The following LIMK2 variants were observed in gnomAD, a reference collection of about 807,000 sequenced individuals.
The protein encoded by LIMK2 is LIM domain kinase 2.
Under a neutral mutation model 75.7 loss-of-function variants are expected in LIMK2, and 35 were observed. That is an observed-to-expected ratio of 0.46 (90% CI 0.35 to 0.61). The LOEUF (loss-of-function observed/expected upper bound fraction) is 0.61. Among genes scored for constraint, LIMK2 ranks in the 20% least tolerant of loss-of-function variants. The pLI, the probability that LIMK2 is intolerant of heterozygous loss-of-function variation, is 0.00. For missense variants in LIMK2, 623 were observed against 831.0 expected (o/e 0.75, Z 3.08); for synonymous variants, 301 against 319.2 (o/e 0.94, Z 0.61).
At chr22:31,221,973 A>C (rs1169470428) in intron 1 of LIMK2, among the ~76,000 whole-genome samples, 1 of 152,186 alleles carries the variant, frequency 6.6e-6, no homozygotes, top group Non-Finnish European at 1.5e-5. Flanking sequence ...TTGGTGAGAC[A>C]GTTTCAGAGA....
In LIMK2 at chr22:31,259,890, G is replaced by T; in HGVS notation, c.364G>T (p.Gly122Trp). 6.2e-7 allele frequency: 1 copy of T among 1,604,704 alleles called. No individual in the cohort carries two copies. Residue 122 changes from glycine to tryptophan, a missense_variant and splice_region_variant, in exon 5 of 16, where the codon GGG (glycine) becomes TGG (tryptophan). Coordinates refer to ENST00000331728, the MANE Select transcript of LIMK2 (RefSeq NM_005569.4). ...ALVQHATLYCGKCHNEVVLAP... is the reference protein window; with the variant it reads ...ALVQHATLYCWKCHNEVVLAP... ...TTCCCCCCTGTGCCCTCTCCCCAGT[G>T]GGAAGTGCCACAATGAGGTGGTGCT...
At chr22:31,264,262 G>A (rs1220260437) in intron 7 of LIMK2, among the ~76,000 whole-genome samples, 4 of 152,190 alleles carry the variant, frequency 2.6e-5, no homozygotes, top group Non-Finnish European at 5.9e-5. Context: ...GAGGGGGGCA[G>A]CTAGCCTTGT....
intron 2 of LIMK2, among the ~76,000 whole-genome samples, chr22:31,247,441 G>A (rs2048681181): frequency 6.6e-6 from 1 of 152,102 alleles, no homozygotes; most frequent in Non-Finnish European, 1.5e-5. Flanking sequence ...GTTATCACAG[G>A]ACAAGTAGAA....
chr22:31,251,849 T>C (rs908782357), intron 2 of LIMK2, among the ~76,000 whole-genome samples: 1 of 152,132 alleles, frequency 6.6e-6, no homozygotes, highest in Non-Finnish European at 1.5e-5. Flanking sequence ...GCATCCCCAG[T>C]TGTGGTGCTC....
Position 31,267,914 on chromosome 22 carries a change from A to C in LIMK2, c.1260+7A>C, listed in dbSNP as rs2048912905. ...GGACTTTCTGCGCAGTATGGTGAGC[A>C]CACCACCCCATAGTCTCCAGGAGCC... On this transcript the variant is annotated splice_region_variant and intron_variant, in intron 10 of 15. Transcript: ENST00000331728. 1 of 1,590,134 alleles carries C rather than the reference A, an allele frequency of 6.3e-7. No homozygotes were observed. Among genetic ancestry groups the C allele is most frequent in the Non-Finnish European group, 8.5e-7 (1 of 1,169,960 alleles).
At chr22:31,248,739 C>A in intron 2 of LIMK2, 1 of 1,614,148 alleles carries the variant, frequency 6.2e-7, no homozygotes, top group Non-Finnish European at 8.5e-7. Context: ...TTGTCAGTCC[C>A]GGCTTACTTC....
At chr22:31,221,982 GA>G (rs2048438137) in intron 1 of LIMK2, among the ~76,000 whole-genome samples, 1 of 152,180 alleles carries the variant, frequency 6.6e-6, no homozygotes, top group African/African-American at 2.4e-5. Context: ...CAGTTTCAGA[GA>G]AATGGTGGGG....
chr22:31,266,246 C>T (rs1256506490), intron 8 of LIMK2, 114 bp downstream of exon 8: 1 of 1,060,506 alleles, frequency 9.4e-7, no homozygotes, highest in Non-Finnish European at 1.4e-6. Context: ...GCCAGGCCTC[C>T]TTCCTGGCTT....
At chr22:31,271,926 C>T (rs2048961707) in intron 12 of LIMK2, among the ~76,000 whole-genome samples, 1 of 152,220 alleles carries the variant, frequency 6.6e-6, no homozygotes, top group Non-Finnish European at 1.5e-5. Context: ...CTCTGAGTTC[C>T]ACTCTCCAAG....
chr22:31,221,023 A>G (rs2123767564), intron 1 of LIMK2, among the ~76,000 whole-genome samples: 1 of 152,314 alleles, frequency 6.6e-6, no homozygotes, highest in African/African-American at 2.4e-5. Context: ...TACATAGAGA[A>G]TAACTGGAGG....
intron 1 of LIMK2, among the ~76,000 whole-genome samples, chr22:31,213,011 C>A (rs1258004108): frequency 6.6e-6 from 1 of 151,982 alleles, no homozygotes; most frequent in South Asian, 2.1e-4. Context: ...GAGTATGGAG[C>A]CCCTTGAGGT....
At chr22:31,277,617 T>TA (rs2049045072) in intron 15 of LIMK2, 3 of 851,852 alleles carry the variant, frequency 3.5e-6, no homozygotes, top group African/African-American at 1.8e-5. Flanking sequence ...TTTAATTTAT[T>TA]AAAAAATATA....
intron 2 of LIMK2, among the ~76,000 whole-genome samples, chr22:31,252,750 C>T (rs2048738341): frequency 6.6e-6 from 1 of 152,088 alleles, no homozygotes. Flanking sequence ...TACTGGCTAC[C>T]TTCTGTGAGC....
intron 2 of LIMK2, among the ~76,000 whole-genome samples, chr22:31,237,913 T>C (rs1172464569): frequency 6.7e-6 from 1 of 149,668 alleles, no homozygotes; most frequent in Non-Finnish European, 1.5e-5. Context: ...GAGACTAGCC[T>C]GGCCAACATG....
Position 31,279,720 on chromosome 22 carries a change from G to C in LIMK2, c.*1279G>C, listed in dbSNP as rs1017680873. The stretch of plus-strand genomic sequence containing the variant: ...CACCATATTTAATAAATTGGGAATG[G>C]GTTTGGGGTATTAATGCAATGTGTG... On this transcript the variant is annotated 3_prime_UTR_variant, in exon 16 of 16. Transcript: ENST00000331728. 2 of 152,192 alleles carry C rather than the reference G, an allele frequency of 1.3e-5. No homozygotes were observed. The highest frequency in any genetic ancestry group is 2.4e-5 in the African/African-American group (1 of 41,450). The allele number at this position is 152,192 out of a possible 1,614,324, so 9.4% of individuals were successfully genotyped here.
intron 8 of LIMK2, 95 bp downstream of exon 8, chr22:31,266,227 A>T (rs2048894411): frequency 8.1e-7 from 1 of 1,233,940 alleles, no homozygotes; most frequent in African/African-American, 1.5e-5. Flanking sequence ...ACCCCACACC[A>T]TGCAGGATGC....
Position 31,272,556 on chromosome 22 carries a change from T to C in LIMK2, c.1410T>C (p.Phe470=). 3 of 1,613,318 alleles carry C rather than the reference T, an allele frequency of 1.9e-6. No homozygotes were observed. Among genetic ancestry groups the C allele is most frequent in the Non-Finnish European group, 2.5e-6 (3 of 1,179,808 alleles). ...ACAAGACTGTGGTGGTGGCAGACTT[T>C]GGGCTGTCACGGCTCATAGTGGAAG... is the stretch of plus-strand genomic sequence containing the variant. ...KLDKTVVVAD[F]GLSRLIVEER... is the part of the protein sequence containing the mutation. The change falls in exon 13 of 16, where the codon TTT becomes TTC. Residue 470 remains phenylalanine (F), a synonymous_variant. Coordinates refer to ENST00000331728, the MANE Select transcript of LIMK2 (RefSeq NM_005569.4).
At chr22:31,254,959 C>CAAAA (rs199942897) in intron 2 of LIMK2, among the ~76,000 whole-genome samples, 2 of 140,584 alleles carry the variant, frequency 1.4e-5, no homozygotes, top group African/African-American at 5.2e-5. Flanking sequence ...AATTCCATCT[C>CAAAA]AAAAAAAAAA....
chr22:31,240,575 C>T (rs888228500), intron 2 of LIMK2, among the ~76,000 whole-genome samples: 1 of 152,026 alleles, frequency 6.6e-6, no homozygotes, highest in African/African-American at 2.4e-5. Flanking sequence ...AGGCGCACAC[C>T]CCCACTCCTG....
Sources: gnomAD v4.1 joint callset for allele counts (sites outside exome capture counted in the v4.1 genomes callset) on GRCh38, gnomAD v4.1.1 for gene constraint, MANE v1.5 for transcripts, NCBI Gene and HGNC (gene_info 2026-07-23, HGNC 2026-07-21) for gene names.